Variants in RNF114 observed in about 807,000 individuals in gnomAD.
RNF114 encodes the protein ring finger protein 114.
In RNF114, 6 loss-of-function variants were observed where a neutral mutation model predicts 28.4. The ratio of observed to expected loss-of-function variants is 0.21; its 90% confidence interval spans 0.12 to 0.42. The LOEUF (loss-of-function observed/expected upper bound fraction) is 0.42. Among genes scored for constraint, RNF114 ranks in the 10% least tolerant of loss-of-function variants. RNF114 has a pLI of 1.00. For synonymous variants in RNF114, 115 were observed against 116.7 expected, an observed-to-expected ratio of 0.99 and a Z score of 0.09; for missense variants, 249 against 311.7, an observed-to-expected ratio of 0.80 and a Z score of 1.51.
At chr20:49,945,728 C>T (rs531409551) in intron 3 of RNF114, among the ~76,000 whole-genome samples, 1 of 152,272 alleles carries the variant, frequency 6.6e-6, no homozygotes, top group African/African-American at 2.4e-5. Flanking sequence ...TGCAGTGGTG[C>T]AATCTCAGCT....
chr20:49,949,111 T>C, intron 4 of RNF114, 137 bp from the exon 5 acceptor site: 1 of 654,560 alleles, frequency 1.5e-6, no homozygotes, highest in South Asian at 1.8e-5. Flanking sequence ...GCTGCTGATG[T>C]GCACAGGAAG....
At position 49,936,538 on chromosome 20, in the gene RNF114, G is replaced by T. The variant is rs11550500; in HGVS notation, c.126G>T (p.Val42=). ...CLEVYEKPVQ[V]PCGHVFCSAC... ...AGGTGTACGAGAAGCCGGTACAGGT[G>T]CCCTGCGGACACGTGTAAGCGGCGA... The change falls in exon 1 of 6, where the codon GTG becomes GTT. Residue 42 remains valine, a synonymous_variant. Coordinates refer to ENST00000244061, the MANE Select transcript of RNF114 (RefSeq NM_018683.4). 66 of 1,587,958 alleles carry T rather than the reference G, an allele frequency of 4.2e-5. No individual in the cohort carries two copies. Among genetic ancestry groups the T allele is most frequent in the Non-Finnish European group, 5.6e-5 (66 of 1,168,554 alleles).
At chr20:49,950,167 G>A (rs929568119) in intron 5 of RNF114, among the ~76,000 whole-genome samples, 2 of 151,976 alleles carry the variant, frequency 1.3e-5, no homozygotes, top group African/African-American at 2.4e-5. Context: ...CAGGAGAATC[G>A]CTTGAACCTG....
intron 1 of RNF114, among the ~76,000 whole-genome samples, chr20:49,937,829 A>G (rs71351991): frequency 7.9e-5 from 12 of 152,084 alleles, no homozygotes; most frequent in Non-Finnish European, 1.3e-4. Context: ...AGCAAAACTT[A>G]ACAGCTCATG....
At chr20:49,950,544 G>T (rs751935099) in intron 5 of RNF114, among the ~76,000 whole-genome samples, 1 of 151,840 alleles carries the variant, frequency 6.6e-6, no homozygotes, top group African/African-American at 2.4e-5. Context: ...AACCAGGTGT[G>T]GTGGCTCCTA....
chr20:49,949,579 C>T (rs1264242506), intron 5 of RNF114, among the ~76,000 whole-genome samples: 2 of 152,166 alleles, frequency 1.3e-5, no homozygotes, highest in Non-Finnish European at 2.9e-5. Context: ...GCTAGATGGG[C>T]TTCCAGTCTG....
At chr20:49,945,522 A>C (rs1240856745) in intron 3 of RNF114, 34 bp downstream of exon 3, 1 of 1,276,910 alleles carries the variant, frequency 7.8e-7, no homozygotes. Flanking sequence ...GGTGGAGGTC[A>C]TCTCTTGCTA....
intron 1 of RNF114, chr20:49,941,251 A>G (rs564772061): frequency 1.0e-4 from 27 of 261,334 alleles, no homozygotes; most frequent in African/African-American, 5.3e-4. Context: ...TTCACAAAGG[A>G]AAAAATGGAG....
intron 1 of RNF114, chr20:49,941,200 A>G (rs2090306536): frequency 5.7e-6 from 1 of 176,750 alleles, no homozygotes; most frequent in African/African-American, 2.4e-5. Context: ...TACAAACTGT[A>G]TCCTCCCAGC....
At chr20:49,950,548 G>A (rs1413530157) in intron 5 of RNF114, among the ~76,000 whole-genome samples, 1 of 151,724 alleles carries the variant, frequency 6.6e-6, no homozygotes, top group African/African-American at 2.4e-5. Context: ...AGGTGTGGTG[G>A]CTCCTACCTG....
intron 4 of RNF114, among the ~76,000 whole-genome samples, chr20:49,947,399 C>A (rs185163077): frequency 3.5e-4 from 53 of 152,140 alleles, no homozygotes; most frequent in Non-Finnish European, 6.0e-4. Context: ...GTTGTATGGG[C>A]AGCCTTCAGC....
At chr20:49,946,426 A>T (rs2090331886) in intron 4 of RNF114, among the ~76,000 whole-genome samples, 176 bp downstream of exon 4, 1 of 152,246 alleles carries the variant, frequency 6.6e-6, no homozygotes, top group Non-Finnish European at 1.5e-5. Flanking sequence ...TTTGCTGACC[A>T]CTTGGGAATA....
chr20:49,950,133 T>C (rs1056075248), intron 5 of RNF114, among the ~76,000 whole-genome samples: 1 of 151,976 alleles, frequency 6.6e-6, no homozygotes, highest in African/African-American at 2.4e-5. Context: ...GCACCTGTAA[T>C]CCTAGCTACT....
intron 2 of RNF114, chr20:49,944,504 T>C (rs1446488162): frequency 6.6e-6 from 1 of 152,240 alleles, no homozygotes; most frequent in Non-Finnish European, 1.5e-5. Flanking sequence ...AAAACTTTCT[T>C]TCTTTTTAGA....
At position 49,952,590 on chromosome 20, in the gene RNF114, G is replaced by A. The variant is rs2235616; in HGVS notation, c.*449G>A. ...CCAAGGTGTGCAGACTTTGGCAGCCGTGCACCTGACCAGAGCTGAAGCTCC... is the reference window on the plus strand; with the variant it reads ...CCAAGGTGTGCAGACTTTGGCAGCCATGCACCTGACCAGAGCTGAAGCTCC... On this transcript the variant is annotated 3_prime_UTR_variant, in exon 6 of 6. Coordinates refer to ENST00000244061, the MANE Select transcript of RNF114 (RefSeq NM_018683.4). 86,542 of 231,308 alleles carry A rather than the reference G, an allele frequency of 0.37. 18,340 individuals are homozygous for A. Among genetic ancestry groups the A allele is most frequent in the South Asian group, 0.57 (3,879 of 6,824 alleles). 14.3% of individuals were successfully genotyped at this position (231,308 alleles called of 1,614,324 possible). A position where few individuals can be genotyped will look rare whatever the true frequency, so the allele number is the denominator to read the frequency against.
At position 49,952,097 on chromosome 20, in the gene RNF114, G is replaced by C. The variant is rs2090357306; in HGVS notation, c.643G>C (p.Asp215His). 1.2e-6 allele frequency: 2 copies of C among 1,613,820 alleles called. No homozygotes were observed. Among genetic ancestry groups the C allele is most frequent in the Non-Finnish European group, 1.7e-6 (2 of 1,179,796 alleles). The change falls in exon 6 of 6, where the codon GAC becomes CAC. Residue 215 changes from aspartate to histidine, a missense_variant. Asp to His is a moderately conservative substitution (Grantham distance 81). This residue lies in a region of RNF114 where 126 missense variants were observed against 205.3 expected (regional missense o/e 0.61). Transcript: ENST00000244061. ...TFVDYDVDEE[D>H]MMNQVLQRSI... Reference sequence around the variant, plus strand: ...TTAGGATTATGATGTTGATGAAGAGGACATGATGAATCAGGTGTTGCAGCG... The same window carrying C: ...TTAGGATTATGATGTTGATGAAGAGCACATGATGAATCAGGTGTTGCAGCG...
At chr20:49,943,887 T>C (rs1206212835) in intron 2 of RNF114, 2 of 145,072 alleles carry the variant, frequency 1.4e-5, no homozygotes, top group African/African-American at 5.0e-5. Flanking sequence ...TATATATATA[T>C]ATATATATAT....
intron 5 of RNF114, among the ~76,000 whole-genome samples, chr20:49,951,751 G>A (rs1168063402): frequency 1.3e-5 from 2 of 152,218 alleles, no homozygotes; most frequent in Non-Finnish European, 2.9e-5. Flanking sequence ...GGTGGCGCAC[G>A]CCTGTTAGTC....
In RNF114 at chr20:49,952,345, C is replaced by T; in HGVS notation, c.*204C>T. ...GGGCTCTTGCCAAAGCTGTCTTCCC[C>T]TACTGTTAACCTTGTTTGTCACACG... is the stretch of plus-strand genomic sequence containing the variant. On this transcript the variant is annotated 3_prime_UTR_variant, in exon 6 of 6. Coordinates refer to ENST00000244061, the MANE Select transcript of RNF114 (RefSeq NM_018683.4). 1 of 576,838 alleles carries T rather than the reference C, an allele frequency of 1.7e-6. No individual in the cohort carries two copies. The highest frequency in any genetic ancestry group is 3.1e-6 in the Non-Finnish European group (1 of 318,334). 35.7% of individuals were successfully genotyped at this position (576,838 alleles called of 1,614,324 possible). A position where few individuals can be genotyped will look rare whatever the true frequency, so the allele number is the denominator to read the frequency against.
Sources: allele counts gnomAD v4.1 joint callset (sites outside exome capture counted in the v4.1 genomes callset), GRCh38; gene constraint gnomAD v4.1.1; regional missense constraint gnomAD v4.1.1; transcripts MANE v1.5; gene names NCBI Gene and HGNC (gene_info 2026-07-23, HGNC 2026-07-21).